ZNF385B: variants seen among roughly 807,000 people sequenced by gnomAD.
ZNF385B encodes the protein zinc finger protein 533.
ZNF385B carries 23 observed loss-of-function variants against 39.2 expected under a neutral mutation model. The ratio of observed to expected loss-of-function variants is 0.59; its 90% CI spans 0.42 to 0.83. The LOEUF is 0.83. Ranked by LOEUF, ZNF385B falls within the 40% of genes least tolerant of loss-of-function variation. The probability of loss-of-function intolerance (pLI) is 0.00; values close to 1 mark genes in which losing one functional copy is unlikely to be tolerated. For missense variants in ZNF385B, 552 were observed against 598.9 expected (o/e 0.92, Z 0.82); for synonymous variants, 205 against 222.6 (o/e 0.92, Z 0.70).
At chr2:179,513,127 T>C (rs1285169723) in intron 5 of ZNF385B, among the ~76,000 whole-genome samples, 1 of 152,178 alleles carries the variant, frequency 6.6e-6, no homozygotes, top group Non-Finnish European at 1.5e-5. Flanking sequence ...GTGAAGCCAA[T>C]TTCAGTTTCA....
At chr2:179,643,524 T>C (rs1390793925) in intron 3 of ZNF385B, among the ~76,000 whole-genome samples, 1 of 152,138 alleles carries the variant, frequency 6.6e-6, no homozygotes, top group African/African-American at 2.4e-5. Context: ...GAAATACTGC[T>C]CAGCAATAAA....
chr2:179,711,344 C>G (rs1186880693), intron 3 of ZNF385B, among the ~76,000 whole-genome samples: 1 of 152,098 alleles, frequency 6.6e-6, no homozygotes, highest in East Asian at 1.9e-4. Flanking sequence ...TTATTTTTTT[C>G]TGTTGTTGTA....
At chr2:179,621,437 G>A (rs891176847) in intron 3 of ZNF385B, among the ~76,000 whole-genome samples, 2 of 152,188 alleles carry the variant, frequency 1.3e-5, no homozygotes, top group Non-Finnish European at 2.9e-5. Context: ...GCTAATAAAT[G>A]TTAACAACAA....
intron 3 of ZNF385B, among the ~76,000 whole-genome samples, chr2:179,683,782 T>C (rs1697717930): frequency 6.6e-6 from 1 of 152,200 alleles, no homozygotes; most frequent in African/African-American, 2.4e-5. Flanking sequence ...GGCCTTGAAA[T>C]GTTTTATAAC....
chr2:179,812,391 T>C (rs1352815904), intron 1 of ZNF385B, among the ~76,000 whole-genome samples: 2 of 152,176 alleles, frequency 1.3e-5, no homozygotes, highest in African/African-American at 4.8e-5. Flanking sequence ...GAATTCAAAC[T>C]AGGTGTCCAT....
intron 1 of ZNF385B, among the ~76,000 whole-genome samples, chr2:179,859,964 T>G (rs1684908723): frequency 6.6e-6 from 1 of 152,228 alleles, no homozygotes; most frequent in Non-Finnish European, 1.5e-5. Context: ...GCTTATTGAC[T>G]TTATGAAAAG....
At chr2:179,839,512 T>C (rs1708434957) in intron 1 of ZNF385B, among the ~76,000 whole-genome samples, 1 of 152,242 alleles carries the variant, frequency 6.6e-6, no homozygotes. Flanking sequence ...GGACATTTCA[T>C]AATGTATCTG....
In ZNF385B at chr2:179,443,289, G is replaced by C; in HGVS notation, c.1422C>G (p.Ile474Met). The C allele has an allele frequency of 6.2e-7, 1 of 1,612,654 alleles. No homozygotes were observed. Among genetic ancestry groups the C allele is most frequent in the South Asian group, 1.1e-5 (1 of 91,016 alleles). ...AGAGGATGGAGGCAGGAGTGGCGCG[G>C]ATGGGCCCATGCCCAGGCCTCAGAA... ...PALLRPGHGPIRATPASILFA... is the reference protein window; with the variant it reads ...PALLRPGHGPMRATPASILFA... The change falls in exon 10 of 10, where the codon ATC becomes ATG. Residue 474 changes from isoleucine (I) to methionine (M), a missense_variant. Physicochemically the swap from Ile to Met is conservative, Grantham distance 10. Transcript: ENST00000410066.
intron 1 of ZNF385B, among the ~76,000 whole-genome samples, chr2:179,859,015 G>C (rs897244529): frequency 7.3e-6 from 1 of 137,302 alleles, no homozygotes; most frequent in East Asian, 2.0e-4. Flanking sequence ...GCATTAGTCT[G>C]TACAGGCATT....
At chr2:179,655,178 C>A (rs1324682950) in intron 3 of ZNF385B, among the ~76,000 whole-genome samples, 1 of 152,120 alleles carries the variant, frequency 6.6e-6, no homozygotes. Flanking sequence ...ATTCTCTTAA[C>A]CCTGCTTCTC....
intron 3 of ZNF385B, among the ~76,000 whole-genome samples, chr2:179,647,048 C>A (rs1692779740): frequency 1.3e-5 from 2 of 152,172 alleles, no homozygotes; most frequent in African/African-American, 4.8e-5. Flanking sequence ...CAGGCTGACA[C>A]AAACTCACCC....
Position 179,769,535 on chromosome 2 carries a change from G to A in ZNF385B, c.266C>T (p.Ala89Val). Residue 89 changes from alanine to valine, a missense_variant, in exon 3 of 10, where the codon GCC becomes GTC. Ala to Val is a moderately conservative substitution (Grantham distance 64). Coordinates refer to ENST00000410066, the MANE Select transcript of ZNF385B (RefSeq NM_152520.6). ...QLSDGQPPPP[A>V]QASPSSNSST... ...GCTGTTGCTGCTGGGGCTGGCCTGGGCGGGTGGTGGGGGCTGCCCATCACT... is the reference window on the plus strand; with the variant it reads ...GCTGTTGCTGCTGGGGCTGGCCTGGACGGGTGGTGGGGGCTGCCCATCACT... The A allele has an allele frequency of 6.2e-7, 1 of 1,614,018 alleles. No individual in the cohort carries two copies. The highest frequency in any genetic ancestry group is 8.5e-7 in the Non-Finnish European group (1 of 1,179,996).
At chr2:179,711,993 C>T (rs908827634) in intron 3 of ZNF385B, among the ~76,000 whole-genome samples, 6 of 150,454 alleles carry the variant, frequency 4.0e-5, no homozygotes, top group Admixed American at 6.7e-5. Context: ...TTTTGGTTGC[C>T]GGCTCTGGGT....
At chr2:179,701,717 C>T (rs1362003773) in intron 3 of ZNF385B, among the ~76,000 whole-genome samples, 1 of 152,150 alleles carries the variant, frequency 6.6e-6, no homozygotes, top group Non-Finnish European at 1.5e-5. Context: ...GTTAGTCATG[C>T]CTGAGATTTC....
At chr2:179,760,772 G>A (rs569690751) in intron 3 of ZNF385B, among the ~76,000 whole-genome samples, 1 of 152,288 alleles carries the variant, frequency 6.6e-6, no homozygotes, top group Non-Finnish European at 1.5e-5. Context: ...TAGACACACA[G>A]AGCAGAAGAT....
chr2:179,617,613 CT>C (rs1689859846), intron 3 of ZNF385B, among the ~76,000 whole-genome samples: 1 of 152,132 alleles, frequency 6.6e-6, no homozygotes, highest in Non-Finnish European at 1.5e-5. Context: ...AGAGTTTATG[CT>C]TCTGTACGCC....
At chr2:179,850,522 T>C (rs1709027290) in intron 1 of ZNF385B, among the ~76,000 whole-genome samples, 1 of 152,192 alleles carries the variant, frequency 6.6e-6, no homozygotes, top group African/African-American at 2.4e-5. Context: ...TCTACTTCCT[T>C]GTCCACGTAT....
intron 6 of ZNF385B, among the ~76,000 whole-genome samples, chr2:179,448,236 C>T (rs2049709809): frequency 6.6e-6 from 1 of 151,960 alleles, no homozygotes; most frequent in Non-Finnish European, 1.5e-5. Context: ...AATGATTCTT[C>T]CTAATTGGTA....
intron 1 of ZNF385B, among the ~76,000 whole-genome samples, chr2:179,808,408 G>C (rs1475234822): frequency 1.3e-5 from 2 of 152,154 alleles, no homozygotes; most frequent in Admixed American, 6.5e-5. Context: ...TAAATTCAAA[G>C]CTATGGTTAC....
Sources: gnomAD v4.1 joint callset for allele counts (sites outside exome capture counted in the v4.1 genomes callset) on GRCh38, gnomAD v4.1.1 for gene constraint, MANE v1.5 for transcripts, NCBI Gene and HGNC (gene_info 2026-07-23, HGNC 2026-07-21) for gene names.